Variants in SCMH1 observed in about 807,000 individuals in gnomAD.
SCMH1 encodes polycomb protein SCMH1.
In SCMH1, 37 loss-of-function variants were observed where a neutral mutation model predicts 70.8. The observed-to-expected ratio is 0.52, with a 90% CI of 0.40 to 0.69. The LOEUF (loss-of-function observed/expected upper bound fraction) is 0.69, where lower values mean the gene tolerates loss of function less well. Among genes scored for constraint, SCMH1 ranks in the 30% least tolerant of loss-of-function variants. The pLI is 0.00. For synonymous variants in SCMH1, 292 were observed against 307.4 expected (o/e 0.95, Z 0.52); for missense variants, 607 against 827.3 (o/e 0.73, Z 3.27).
intron 12 of SCMH1, among the ~76,000 whole-genome samples, chr1:41,044,059 GA>G (rs1305855780): frequency 6.6e-6 from 1 of 152,158 alleles, no homozygotes; most frequent in African/African-American, 2.4e-5. Context: ...AAACATTGGA[GA>G]AAAAAGTAGT....
chr1:41,216,754 A>G (rs1658169332), intron 1 of SCMH1, among the ~76,000 whole-genome samples: 1 of 152,210 alleles, frequency 6.6e-6, no homozygotes, highest in African/African-American at 2.4e-5. Flanking sequence ...CTTTGTACTC[A>G]CTGTTTTGCA....
chr1:41,184,108 A>T (rs1405752938), intron 2 of SCMH1, among the ~76,000 whole-genome samples: 1 of 152,190 alleles, frequency 6.6e-6, no homozygotes, highest in Non-Finnish European at 1.5e-5. Flanking sequence ...TGTTATGTAT[A>T]CTTCTTGAAA....
intron 8 of SCMH1, among the ~76,000 whole-genome samples, chr1:41,097,132 C>G (rs1665299777): frequency 6.6e-6 from 1 of 152,184 alleles, no homozygotes; most frequent in Admixed American, 6.5e-5. Context: ...GATACTGGCT[C>G]AGAGTATTGG....
At chr1:41,121,742 G>A (rs181805847) in intron 6 of SCMH1, among the ~76,000 whole-genome samples, 19 of 152,230 alleles carry the variant, frequency 1.2e-4, no homozygotes, top group African/African-American at 3.1e-4. Flanking sequence ...CTAAGAAAAC[G>A]TAAAATGAAT....
chr1:41,236,195 G>T (rs1662341376), intron 1 of SCMH1, among the ~76,000 whole-genome samples: 1 of 152,190 alleles, frequency 6.6e-6, no homozygotes, highest in Non-Finnish European at 1.5e-5. Context: ...GGTGTGTATA[G>T]CCAAAGAGCA....
intron 8 of SCMH1, among the ~76,000 whole-genome samples, chr1:41,092,605 A>G (rs1663921676): frequency 6.6e-6 from 1 of 152,194 alleles, no homozygotes. Flanking sequence ...ATGGGAGAAA[A>G]TTTTTGCAAT....
intron 4 of SCMH1, among the ~76,000 whole-genome samples, chr1:41,158,033 T>C (rs1005898359): frequency 1.3e-5 from 2 of 152,196 alleles, no homozygotes; most frequent in African/African-American, 4.8e-5. Flanking sequence ...ACCTGGGATA[T>C]AGTTCTGAAA....
intron 2 of SCMH1, among the ~76,000 whole-genome samples, chr1:41,174,280 T>TTA (rs1646972648): frequency 6.8e-6 from 1 of 146,464 alleles, no homozygotes; most frequent in African/African-American, 2.5e-5. Context: ...TTTTTTTTTT[T>TTA]AAAGACTGCC....
intron 6 of SCMH1, among the ~76,000 whole-genome samples, chr1:41,133,375 A>T (rs1373590580): frequency 6.6e-6 from 1 of 152,200 alleles, no homozygotes; most frequent in Non-Finnish European, 1.5e-5. Context: ...CAATGAAAAG[A>T]ACTAGAGAAG....
At chr1:41,085,665 A>C (rs542335111) in intron 8 of SCMH1, among the ~76,000 whole-genome samples, 2 of 152,312 alleles carry the variant, frequency 1.3e-5, no homozygotes, top group African/African-American at 4.8e-5. Flanking sequence ...TTGCAATGTG[A>C]CTAGTTCAAA....
intron 8 of SCMH1, among the ~76,000 whole-genome samples, chr1:41,110,492 G>C (rs1379604482): frequency 6.6e-6 from 1 of 152,132 alleles, no homozygotes; most frequent in African/African-American, 2.4e-5. Flanking sequence ...ATCTACTTCT[G>C]TCTATGTGTA....
intron 2 of SCMH1, among the ~76,000 whole-genome samples, chr1:41,180,418 T>G (rs1648389421): frequency 1.3e-5 from 2 of 152,164 alleles, no homozygotes; most frequent in Non-Finnish European, 2.9e-5. Flanking sequence ...AAAGAGGAAG[T>G]CAAATTGTCC....
chr1:41,106,565 T>C (rs1349737106), intron 8 of SCMH1, among the ~76,000 whole-genome samples: 1 of 151,928 alleles, frequency 6.6e-6, no homozygotes, highest in Non-Finnish European at 1.5e-5. Flanking sequence ...CAGTTCTCGA[T>C]GCTCATAAGG....
At chr1:41,119,442 A>C (rs1454946140) in intron 6 of SCMH1, among the ~76,000 whole-genome samples, 2 of 80,438 alleles carry the variant, frequency 2.5e-5, no homozygotes, top group South Asian at 4.3e-4. Context: ...TTAGGGCAAA[A>C]AAAAAACAAA....
chr1:41,184,504 T>C (rs1649652818), intron 2 of SCMH1, among the ~76,000 whole-genome samples: 1 of 152,192 alleles, frequency 6.6e-6, no homozygotes, highest in Non-Finnish European at 1.5e-5. Flanking sequence ...CAGTCATTAT[T>C]CTAGGCACTG....
chr1:41,058,558 A>G (rs746370434), intron 10 of SCMH1, among the ~76,000 whole-genome samples: 48 of 151,230 alleles, frequency 3.2e-4, no homozygotes, highest in Non-Finnish European at 6.2e-4. Context: ...TTCTTTGTAT[A>G]TTTAGTAGAG....
chr1:41,155,819 T>C (rs1645476781), intron 4 of SCMH1, among the ~76,000 whole-genome samples: 1 of 151,732 alleles, frequency 6.6e-6, no homozygotes, highest in Non-Finnish European at 1.5e-5. Flanking sequence ...TCGTCTCTAC[T>C]AAAAGAAATA....
rs903134579 is a variant in SCMH1, at chr1:41,161,042, AG to A, written c.83-145del. The A allele has an allele frequency of 7.4e-6, 7 of 949,230 alleles. No homozygotes were observed. The African/African-American group carries it at 1.2e-4, about 16-fold the overall frequency. 58.8% of individuals were successfully genotyped at this position (949,230 alleles called of 1,614,324 possible). A position where few individuals can be genotyped will look rare whatever the true frequency, so the allele number is the denominator to read the frequency against. ...CCTAAAAGACACTGAGATTCTTAGT[AG>A]TCATTGTGGAAGCACACCACCCAAT... On this transcript the variant is annotated intron_variant, in intron 3 of 14. Transcript: ENST00000337495.
intron 1 of SCMH1, among the ~76,000 whole-genome samples, chr1:41,194,087 C>G (rs1652413082): frequency 6.6e-6 from 1 of 152,146 alleles, no homozygotes; most frequent in African/African-American, 2.4e-5. Flanking sequence ...TTGAATAAGT[C>G]TCTTAGCCCA....
Sources: gnomAD v4.1 joint callset for allele counts (sites outside exome capture counted in the v4.1 genomes callset) on GRCh38, gnomAD v4.1.1 for gene constraint, MANE v1.5 for transcripts, NCBI Gene and HGNC (gene_info 2026-07-23, HGNC 2026-07-21) for gene names.